TMEM272: variants seen among roughly 807,000 people sequenced by gnomAD.
The protein encoded by TMEM272 is long intergenic non-protein coding RNA 282.
Under a neutral mutation model 3.7 loss-of-function variants are expected in TMEM272, and 8 were observed. The ratio of observed to expected loss-of-function variants is 2.17; its 90% CI spans 1.27 to 3.91. The LOEUF (loss-of-function observed/expected upper bound fraction) is 3.91, where lower values mean the gene tolerates loss of function less well. TMEM272 is among the 30% of genes most tolerant of loss of function. TMEM272 has a pLI of 0.00. For missense variants in TMEM272, 166 were observed against 91.5 expected (o/e 1.81, Z -3.32); for synonymous variants, 63 against 39.8 (o/e 1.58, Z -2.20).
the TMEM272 span, among the ~76,000 whole-genome samples, chr13:51,926,342 C>A: frequency 3.9e-5 from 6 of 152,162 alleles, no homozygotes; most frequent in African/African-American, 1.4e-4. Flanking sequence ...GATGAAGCCA[C>A]CTCCAGCTCC....
At chr13:51,869,460 T>TTTA in the TMEM272 span, among the ~76,000 whole-genome samples, 2,130 of 152,000 alleles carry the variant, frequency 0.014, 54 homozygotes, top group African/African-American at 0.049. Flanking sequence ...TCCAGTCACT[T>TTTA]TAAGTTAAAA....
the TMEM272 span, among the ~76,000 whole-genome samples, chr13:51,865,012 C>T: frequency 1.3e-5 from 2 of 152,134 alleles, no homozygotes; most frequent in Non-Finnish European, 2.9e-5. Context: ...TAAATTCATT[C>T]GGATTGATTT....
chr13:51,851,548 G>A, the TMEM272 span, among the ~76,000 whole-genome samples: 9 of 130,146 alleles, frequency 6.9e-5, no homozygotes, highest in East Asian at 4.4e-4. Flanking sequence ...TTTTTGAGAC[G>A]GAGTCTTGTT....
chr13:51,866,032 C>G, the TMEM272 span: 2 of 1,607,262 alleles, frequency 1.2e-6, no homozygotes, highest in Admixed American at 1.7e-5. Context: ...GGCCCCACAA[C>G]GCCAACAGAG....
intron 1 of TMEM272, among the ~76,000 whole-genome samples, chr13:51,843,654 T>C (rs745588595): frequency 6.6e-6 from 1 of 152,196 alleles, no homozygotes; most frequent in African/African-American, 2.4e-5. Flanking sequence ...CAGGAAGAGA[T>C]TGGGGTAACA....
intron 3 of TMEM272, among the ~76,000 whole-genome samples, chr13:51,823,149 A>G (rs987513940): frequency 6.6e-6 from 1 of 151,974 alleles, no homozygotes; most frequent in African/African-American, 2.4e-5. Context: ...TTCAGTCACA[A>G]CTCACTGCAG....
At chr13:51,924,174 T>C in the TMEM272 span, among the ~76,000 whole-genome samples, 4 of 152,332 alleles carry the variant, frequency 2.6e-5, no homozygotes, top group Admixed American at 2.6e-4. Flanking sequence ...ACTGGCCACC[T>C]GGTGGCCTTC....
the TMEM272 span, among the ~76,000 whole-genome samples, chr13:51,884,668 C>G: frequency 6.6e-6 from 1 of 152,116 alleles, no homozygotes; most frequent in Non-Finnish European, 1.5e-5. Flanking sequence ...GTCAGACTTC[C>G]CAAGTTTGAA....
the TMEM272 span, among the ~76,000 whole-genome samples, chr13:51,919,408 T>C: frequency 1.3e-5 from 2 of 152,198 alleles, no homozygotes; most frequent in African/African-American, 4.8e-5. Context: ...GACACACCTC[T>C]CCCAGACCCC....
chr13:51,881,978 T>C, the TMEM272 span, among the ~76,000 whole-genome samples: 1 of 152,196 alleles, frequency 6.6e-6, no homozygotes, highest in African/African-American at 2.4e-5. Context: ...GGATTAGCAT[T>C]TAATCTATTT....
the TMEM272 span, chr13:51,910,577 G>C: frequency 1.5e-6 from 1 of 671,504 alleles, no homozygotes; most frequent in Admixed American, 1.9e-5. Flanking sequence ...GCAACTGCAG[G>C]ACCAGCCCCA....
the TMEM272 span, among the ~76,000 whole-genome samples, chr13:51,899,186 T>TA: frequency 6.6e-6 from 1 of 152,116 alleles, no homozygotes; most frequent in East Asian, 1.9e-4. Context: ...GGTCAATATA[T>TA]AAAAAATCGA....
the TMEM272 span, among the ~76,000 whole-genome samples, chr13:51,886,722 C>T: frequency 1.2e-4 from 19 of 152,306 alleles, no homozygotes; most frequent in African/African-American, 4.6e-4. Flanking sequence ...GTCATGATTC[C>T]ATCTTAGTAA....
chr13:51,829,615 C>T (rs768950751), intron 2 of TMEM272, among the ~76,000 whole-genome samples: 5 of 152,152 alleles, frequency 3.3e-5, no homozygotes, highest in Non-Finnish European at 5.9e-5. Context: ...GACCTTGGAG[C>T]TTGTTACAAG....
At chr13:51,825,521 T>G (rs956336802) in intron 3 of TMEM272, among the ~76,000 whole-genome samples, 2 of 152,158 alleles carry the variant, frequency 1.3e-5, no homozygotes, top group African/African-American at 4.8e-5. Flanking sequence ...TACTGGGTGT[T>G]TCGTTGTTGC....
chr13:51,834,227 C>A (rs1956196430), intron 2 of TMEM272, among the ~76,000 whole-genome samples: 1 of 152,172 alleles, frequency 6.6e-6, no homozygotes, highest in South Asian at 2.1e-4. Flanking sequence ...AATAAAAGCA[C>A]CGTCTACTAC....
chr13:51,897,925 T>TAAAAAA, the TMEM272 span, among the ~76,000 whole-genome samples: 1 of 4,476 alleles, frequency 2.2e-4, no homozygotes. Flanking sequence ...AGACTCCATC[T>TAAAAAA]CAAAAAAAAA....
chr13:51,932,873 T>C, the TMEM272 span: 2 of 152,192 alleles, frequency 1.3e-5, no homozygotes, highest in African/African-American at 4.8e-5. Context: ...TTAGATTCTT[T>C]AGATAATGAT....
chr13:51,902,940 A>G, the TMEM272 span, among the ~76,000 whole-genome samples: 2 of 152,240 alleles, frequency 1.3e-5, no homozygotes, highest in South Asian at 2.1e-4. Context: ...TGCAAGGGCA[A>G]TTCTTCAGGA....
Sources: gnomAD v4.1 joint callset for allele counts (sites outside exome capture counted in the v4.1 genomes callset) on GRCh38, gnomAD v4.1.1 for gene constraint, MANE v1.5 for transcripts, NCBI Gene and HGNC (gene_info 2026-07-23, HGNC 2026-07-21) for gene names.